Variants in CNTNAP3B observed in about 807,000 individuals in gnomAD.
CNTNAP3B encodes the protein contactin associated protein family member 3B.
Under a neutral mutation model 108.9 loss-of-function variants are expected in CNTNAP3B, and 25 were observed. The ratio of observed to expected loss-of-function variants is 0.23; its 90% confidence interval spans 0.17 to 0.32. CNTNAP3B has a LOEUF of 0.32. Ranked by LOEUF, CNTNAP3B falls within the 10% of genes least tolerant of loss-of-function variation. The pLI, the probability that CNTNAP3B is intolerant of heterozygous loss-of-function variation, is 1.00. For synonymous variants in CNTNAP3B, 103 were observed against 473.4 expected, an observed-to-expected ratio of 0.22 and a Z score of 10.16; for missense variants, 252 against 1,210.4, an observed-to-expected ratio of 0.21 and a Z score of 11.75.
Position 42,112,833 on chromosome 9 carries a change from C to A in CNTNAP3B, c.86-8094G>T, listed in dbSNP as rs1276615225. Among the ~76,000 whole-genome samples, 8 of 130,846 alleles carry A rather than the reference C, an allele frequency of 6.1e-5. No homozygotes were observed. The East Asian group carries it at 1.9e-3, about 30-fold the overall frequency. 85.8% of individuals were successfully genotyped at this position (130,846 alleles called of 152,430 possible). On this transcript the variant is annotated intron_variant, in intron 1 of 23. Transcript: ENST00000377561. ...TATTCTATGAGAACTACAAAAGACACAACACAAATGAAGACCTAGAGGAAA... is the reference window on the plus strand; with the variant it reads ...TATTCTATGAGAACTACAAAAGACAAAACACAAATGAAGACCTAGAGGAAA...
At chr9:41,963,078 C>T (rs1377204441) in intron 11 of CNTNAP3B, among the ~76,000 whole-genome samples, 1 of 152,394 alleles carries the variant, frequency 6.6e-6, no homozygotes, top group African/African-American at 2.4e-5. Flanking sequence ...GGACTGTCTC[C>T]TCTTTTGCCC....
At chr9:42,030,750 CAGAGAGAGAGAG>C (rs34457074) in intron 3 of CNTNAP3B, among the ~76,000 whole-genome samples, 5 of 60,436 alleles carry the variant, frequency 8.3e-5, no homozygotes, top group South Asian at 1.3e-3. Context: ...GAAAGAGATA[CAGAGAGAGAGAG>C]AGAGAGAGAG....
chr9:42,060,976 T>TTTTTTTATTG (rs1456676972), intron 3 of CNTNAP3B, among the ~76,000 whole-genome samples: 1 of 96,736 alleles, frequency 1.0e-5, no homozygotes, highest in East Asian at 3.1e-4. Context: ...TTTTATGGAT[T>TTTTTTTATTG]TTTTTTATTG....
At chr9:41,962,846 T>G (rs62557281) in intron 11 of CNTNAP3B, among the ~76,000 whole-genome samples, 3,043 of 151,556 alleles carry the variant, frequency 0.02, no homozygotes, top group Middle Eastern at 0.048. Flanking sequence ...TCCCAGGTAC[T>G]CGGGAGGCTG....
intron 13 of CNTNAP3B, among the ~76,000 whole-genome samples, chr9:41,941,938 G>T (rs1357717569): frequency 5.9e-5 from 9 of 152,220 alleles, no homozygotes; most frequent in Non-Finnish European, 8.8e-5. Flanking sequence ...CCAGCAGGGG[G>T]AGGGAAGGAG....
rs1160265611 is a variant in CNTNAP3B at position 41,995,776 on chromosome 9, C to T, written c.1071+429G>A. Among the ~76,000 whole-genome samples, 7 of 135,460 alleles carry T rather than the reference C, an allele frequency of 5.2e-5. 1 individual carries two copies. The highest frequency in any genetic ancestry group is 1.5e-4 in the African/African-American group (5 of 33,702). The allele number at this position is 135,460 out of a possible 152,430, so 88.9% of individuals were successfully genotyped here. A position where few individuals can be genotyped will look rare whatever the true frequency, so the allele number is the denominator to read the frequency against. ...ATTGGCCAGGCCCGGTGGCTCACAC[C>T]TGTAATCCCAGCACTTTGGAAGGCC... On this transcript the variant is annotated intron_variant, in intron 7 of 23. Transcript: ENST00000377561.
At position 42,096,967 on chromosome 9, in the gene CNTNAP3B, T is replaced by G. The variant is rs1827914350; in HGVS notation, c.196+7662A>C. Among the ~76,000 whole-genome samples, 3 of 131,632 alleles carry G rather than the reference T, an allele frequency of 2.3e-5. 1 individual carries two copies. The Admixed American group carries it at 2.3e-4, about 10-fold the overall frequency. 86.4% of individuals were successfully genotyped at this position (131,632 alleles called of 152,430 possible). On this transcript the variant is annotated intron_variant, in intron 2 of 23. Coordinates refer to ENST00000377561, the MANE Select transcript of CNTNAP3B (RefSeq NM_001201380.3). ...AGGGTTTTGATGTTGCCCAGGCTGG[T>G]CTCCAACTCCTGGGCTCAAGGTGAT...
At chr9:41,954,689 TTATTTA>T (rs1229730057) in intron 12 of CNTNAP3B, among the ~76,000 whole-genome samples, 5 of 152,266 alleles carry the variant, frequency 3.3e-5, no homozygotes, top group Non-Finnish European at 7.3e-5. Flanking sequence ...TTTATTTAAC[TTATTTA>T]TTTTTGAGAT....
chr9:41,965,674 G>T (rs1438207938), intron 10 of CNTNAP3B, among the ~76,000 whole-genome samples: 3 of 152,010 alleles, frequency 2.0e-5, no homozygotes, highest in African/African-American at 7.3e-5. Flanking sequence ...TGGAGCGGCA[G>T]AGGCGGGGAG....
chr9:42,111,070 C>T lies in CNTNAP3B; in HGVS notation c.86-6331G>A, dbSNP rs1321511924. Reference sequence around the variant, plus strand: ...TCCATGGGGTCTGAAGGGGGCTCACCCTACCACCTGGGGCCAGCACAGGGA... The same window carrying T: ...TCCATGGGGTCTGAAGGGGGCTCACTCTACCACCTGGGGCCAGCACAGGGA... On this transcript the variant is annotated intron_variant, in intron 1 of 23. Coordinates refer to ENST00000377561, the MANE Select transcript of CNTNAP3B (RefSeq NM_001201380.3). 3.6e-5 allele frequency among the ~76,000 whole-genome samples: 5 copies of T among 138,494 alleles called. 1 individual carries two copies. Among genetic ancestry groups the T allele is most frequent in the African/African-American group, 1.1e-4 (4 of 34,888 alleles). 90.9% of individuals were successfully genotyped at this position (138,494 alleles called of 152,430 possible). A position where few individuals can be genotyped will look rare whatever the true frequency, so the allele number is the denominator to read the frequency against.
At chr9:42,113,085 G>C (rs1266501126) in intron 1 of CNTNAP3B, among the ~76,000 whole-genome samples, 1 of 135,806 alleles carries the variant, frequency 7.4e-6, no homozygotes, top group Non-Finnish European at 1.6e-5. Flanking sequence ...ATCTTAGTTT[G>C]ACGATCTACT....
chr9:41,918,134 C>T (rs1297955609), intron 18 of CNTNAP3B, among the ~76,000 whole-genome samples: 1 of 150,452 alleles, frequency 6.6e-6, no homozygotes, highest in Non-Finnish European at 1.5e-5. Context: ...TGCCAGAGTA[C>T]CAGGTTTTTT....
At chr9:41,930,630 G>C (rs1416007709) in intron 14 of CNTNAP3B, among the ~76,000 whole-genome samples, 3 of 152,404 alleles carry the variant, frequency 2.0e-5, no homozygotes, top group East Asian at 3.9e-4. Context: ...TGAGGACACA[G>C]AGTAAAAAAT....
chr9:42,103,005 C>T (rs1482154732), intron 2 of CNTNAP3B, among the ~76,000 whole-genome samples: 1 of 114,004 alleles, frequency 8.8e-6, no homozygotes, highest in African/African-American at 4.0e-5. Flanking sequence ...CTTTTTTGCA[C>T]GATGAGTTAC....
Position 41,924,080 on chromosome 9 carries a change from A to G in CNTNAP3B, c.2379T>C (p.Asn793=), listed in dbSNP as rs1326576814. The G allele has an allele frequency of 6.2e-7, 1 of 1,612,142 alleles. No homozygotes were observed. The highest frequency in any genetic ancestry group is 2.2e-5 in the East Asian group (1 of 44,894). ...LLCRGDKSFW[N]SASFNTETSY... ...AAGTCTCAGTGTTGAAGGAAGCTGA[A>G]TTCCAAAATGACTCTGTTTACAATA... Residue 793 remains asparagine, a synonymous_variant, in exon 16 of 24, where the codon AAT becomes AAC. Coordinates refer to ENST00000377561, the MANE Select transcript of CNTNAP3B (RefSeq NM_001201380.3).
chr9:41,954,388 T>C lies in CNTNAP3B; in HGVS notation c.1877-1002A>G, dbSNP rs572187306. 2.2e-4 allele frequency among the ~76,000 whole-genome samples: 33 copies of C among 152,356 alleles called. No individual in the cohort carries two copies. In the South Asian group the frequency reaches 6.8e-3, roughly 32 times the overall value. On this transcript the variant is annotated intron_variant, in intron 12 of 23. Coordinates refer to ENST00000377561, the MANE Select transcript of CNTNAP3B (RefSeq NM_001201380.3). ...TAAGACAAATTTCACAGCCTTACTG[T>C]TACTTACACACGCCTAACAACAGAG... is the stretch of plus-strand genomic sequence containing the variant.
chr9:42,080,090 G>C (rs1251262662), intron 2 of CNTNAP3B, among the ~76,000 whole-genome samples: 1 of 132,236 alleles, frequency 7.6e-6, no homozygotes, highest in East Asian at 2.3e-4. Flanking sequence ...AACACATGTG[G>C]AGAAGCACAA....
chr9:41,988,238 ATTTTTTT>A (rs1209677991), intron 8 of CNTNAP3B, among the ~76,000 whole-genome samples: 15 of 25,888 alleles, frequency 5.8e-4, no homozygotes, highest in South Asian at 4.7e-3. Context: ...CCTTCTTTGA[ATTTTTTT>A]TTTTTTTTTT....
At chr9:41,959,696 T>A (rs1304459433) in intron 12 of CNTNAP3B, among the ~76,000 whole-genome samples, 1 of 152,312 alleles carries the variant, frequency 6.6e-6, no homozygotes, top group African/African-American at 2.4e-5. Context: ...CTTCTGAACA[T>A]CCCCTGTAAA....
Sources: gnomAD v4.1 joint callset for allele counts (sites outside exome capture counted in the v4.1 genomes callset) on GRCh38, gnomAD v4.1.1 for gene constraint, MANE v1.5 for transcripts, NCBI Gene and HGNC (gene_info 2026-07-23, HGNC 2026-07-21) for gene names.